The following GNB5 variants were observed in gnomAD, a reference collection of about 807,000 sequenced individuals.
GNB5 encodes the protein guanine nucleotide-binding protein subunit beta-5.
In GNB5, 37 loss-of-function variants were observed where a neutral mutation model predicts 55.3. The ratio of observed to expected loss-of-function variants is 0.67; its 90% CI spans 0.51 to 0.88. The LOEUF is 0.88. Ranked by LOEUF, GNB5 falls within the 40% of genes least tolerant of loss-of-function variation. The pLI, the probability that GNB5 is intolerant of heterozygous loss-of-function variation, is 0.00. For missense variants in GNB5, 476 were observed against 515.3 expected (o/e 0.92, Z 0.74); for synonymous variants, 219 against 198.5 (o/e 1.10, Z -0.87).
Position 52,131,514 on chromosome 15 carries a change from C to T in GNB5, c.863+1864G>A, listed in dbSNP as rs188786857. Reference sequence around the variant, plus strand: ...TCCTGGAACCAATCTCCCACAGATACCAAGGAATGACTGTACTTTATTAAT... The same window carrying T: ...TCCTGGAACCAATCTCCCACAGATATCAAGGAATGACTGTACTTTATTAAT... On this transcript the variant is annotated intron_variant, in intron 9 of 12. Transcript: ENST00000261837. 2.1e-3 allele frequency among the ~76,000 whole-genome samples: 327 copies of T among 152,218 alleles called. 1 individual carries two copies. The highest frequency in any genetic ancestry group is 4.1e-3 in the South Asian group (20 of 4,824).
At chr15:52,165,748 A>C (rs368135542) in intron 3 of GNB5, among the ~76,000 whole-genome samples, 2 of 151,996 alleles carry the variant, frequency 1.3e-5, no homozygotes, top group East Asian at 3.9e-4. Flanking sequence ...CCAAAAAAAA[A>C]CTGAAGTACA....
At chr15:52,179,703 C>T in intron 3 of GNB5, 65 bp downstream of exon 3, 1 of 1,020,668 alleles carries the variant, frequency 9.8e-7, no homozygotes, top group Non-Finnish European at 1.3e-6. Context: ...CCGCCCCCGC[C>T]GTCCCCGCCC....
intron 7 of GNB5, chr15:52,137,826 A>G: frequency 7.8e-7 from 1 of 1,280,694 alleles, no homozygotes; most frequent in Non-Finnish European, 1.0e-6. Context: ...GCAAGGGAGA[A>G]GCTCTCCCTG....
At chr15:52,150,875 T>C (rs1390145284) in intron 4 of GNB5, among the ~76,000 whole-genome samples, 1 of 152,192 alleles carries the variant, frequency 6.6e-6, no homozygotes, top group Non-Finnish European at 1.5e-5. Flanking sequence ...CTACAGCCTC[T>C]ATGGCAGGCT....
chr15:52,186,298 CCAAA>C (rs1207285923), intron 1 of GNB5, among the ~76,000 whole-genome samples: 3 of 152,284 alleles, frequency 2.0e-5, no homozygotes, highest in African/African-American at 7.2e-5. Flanking sequence ...GTAACAAAGG[CCAAA>C]CAGAGATAAT....
intron 9 of GNB5, among the ~76,000 whole-genome samples, chr15:52,132,187 G>A (rs1210992924): frequency 2.0e-5 from 3 of 152,138 alleles, no homozygotes; most frequent in African/African-American, 7.2e-5. Context: ...CAGGCTGATA[G>A]CCTGGCTACT....
chr15:52,164,308 T>TAAAAAA (rs56029917), intron 3 of GNB5, among the ~76,000 whole-genome samples: 26 of 50,428 alleles, frequency 5.2e-4, no homozygotes, highest in African/African-American at 1.8e-3. Context: ...GACTCTGTCT[T>TAAAAAA]AAAAAAAAAA....
intron 7 of GNB5, chr15:52,139,962 G>A (rs889810347): frequency 2.1e-5 from 27 of 1,279,902 alleles, no homozygotes; most frequent in Non-Finnish European, 2.6e-5. Context: ...TGTTGCTTTG[G>A]TTTGCCTCAG....
chr15:52,152,604 C>T (rs1280478601), intron 4 of GNB5, among the ~76,000 whole-genome samples: 2 of 151,458 alleles, frequency 1.3e-5, no homozygotes, highest in African/African-American at 2.4e-5. Context: ...GGATTACAGG[C>T]GTGAGCCACC....
Position 52,184,379 on chromosome 15 carries a change from G to C in GNB5, c.126+172C>G, listed in dbSNP as rs1286768131. 2.0e-5 allele frequency among the ~76,000 whole-genome samples: 3 copies of C among 152,208 alleles called. No homozygotes were observed. The East Asian group carries it at 5.8e-4, about 29-fold the overall frequency. ...CATCAATAGGATTTGGACCCAGGCA[G>C]TCAGACACCAGAGTCCACACCCTGA... On this transcript the variant is annotated intron_variant, in intron 2 of 12. Transcript: ENST00000261837.
chr15:52,180,577 A>G (rs949057966), intron 2 of GNB5: 3 of 152,230 alleles, frequency 2.0e-5, no homozygotes, highest in Non-Finnish European at 4.4e-5. Flanking sequence ...TGGGGGCGGC[A>G]AAAGGAGATG....
At chr15:52,149,643 T>G in intron 5 of GNB5, 1 of 597,676 alleles carries the variant, frequency 1.7e-6, no homozygotes, top group Non-Finnish European at 3.0e-6. Flanking sequence ...CATGTTGGTA[T>G]TGGCAGCCCC....
At chr15:52,155,401 T>C (rs937670439) in intron 3 of GNB5, among the ~76,000 whole-genome samples, 1 of 152,202 alleles carries the variant, frequency 6.6e-6, no homozygotes, top group African/African-American at 2.4e-5. Context: ...CGTCCCTTCC[T>C]GGGAAATCCT....
At chr15:52,126,791 T>C (rs1486710366) in intron 10 of GNB5, among the ~76,000 whole-genome samples, 2 of 151,982 alleles carry the variant, frequency 1.3e-5, no homozygotes, top group Non-Finnish European at 2.9e-5. Flanking sequence ...GAAGTAGAGA[T>C]GTTTTATTGT....
chr15:52,160,433 T>A (rs184323290), intron 3 of GNB5, among the ~76,000 whole-genome samples: 1 of 152,106 alleles, frequency 6.6e-6, no homozygotes, highest in Non-Finnish European at 1.5e-5. Flanking sequence ...ACTAGAAGAC[T>A]GGAAACAACA....
rs1005055892 is a variant in GNB5 at position 52,179,763 on chromosome 15, C to G, written c.238+5G>C. On this transcript the variant is annotated splice_donor_5th_base_variant and intron_variant, in intron 3 of 12. Transcript: ENST00000261837. ...TGCCCCGCCCGCCTCCCGGCCCGCA[C>G]TCACGCTCCACATCGTGCAGCTTGG... 1 of 1,485,676 alleles carries G rather than the reference C, an allele frequency of 6.7e-7. No individual in the cohort carries two copies. The highest frequency in any genetic ancestry group is 1.5e-5 in the African/African-American group (1 of 68,798). 92.0% of individuals were successfully genotyped at this position (1,485,676 alleles called of 1,614,324 possible).
At chr15:52,147,377 T>C in intron 6 of GNB5, 82 bp downstream of exon 6, 2 of 829,138 alleles carry the variant, frequency 2.4e-6, no homozygotes, top group Non-Finnish European at 4.3e-6. Context: ...AAACTGTGAG[T>C]TCTTGTTTGT....
At chr15:52,134,828 G>A (rs1273469007) in intron 8 of GNB5, among the ~76,000 whole-genome samples, 1 of 152,032 alleles carries the variant, frequency 6.6e-6, no homozygotes, top group East Asian at 1.9e-4. Context: ...AAGGTCAGCT[G>A]GCCCAGCTCT....
At chr15:52,183,097 A>G (rs2034794613) in intron 2 of GNB5, among the ~76,000 whole-genome samples, 1 of 152,212 alleles carries the variant, frequency 6.6e-6, no homozygotes, top group Admixed American at 6.5e-5. Context: ...GGTTGCAGTG[A>G]GCCGAGATCG....
Sources: gnomAD v4.1 joint callset for allele counts (sites outside exome capture counted in the v4.1 genomes callset) on GRCh38, gnomAD v4.1.1 for gene constraint, MANE v1.5 for transcripts, NCBI Gene and HGNC (gene_info 2026-07-23, HGNC 2026-07-21) for gene names.